The following DLG2 variants were observed in gnomAD, a reference collection of about 807,000 sequenced individuals.
DLG2 encodes disks large homolog 2.
In DLG2, 45 loss-of-function variants were observed where a neutral mutation model predicts 132.5. The observed-to-expected ratio is 0.34, with a 90% confidence interval of 0.27 to 0.44. The LOEUF (loss-of-function observed/expected upper bound fraction) is 0.44, where lower values mean the gene tolerates loss of function less well. Ranked by LOEUF, DLG2 falls within the 20% of genes least tolerant of loss-of-function variation. DLG2 has a pLI of 1.00. For synonymous variants in DLG2, 424 were observed against 419.6 expected, an observed-to-expected ratio of 1.01 and a Z score of -0.13; for missense variants, 1,045 against 1,196.9, an observed-to-expected ratio of 0.87 and a Z score of 1.87.
chr11:83,728,346 C>T (rs990065395), intron 18 of DLG2, among the ~76,000 whole-genome samples: 1 of 152,188 alleles, frequency 6.6e-6, no homozygotes, highest in Non-Finnish European at 1.5e-5. Context: ...CCCTAATAGC[C>T]TCTCTTCTCA....
chr11:85,243,079 G>A (rs117326084), intron 4 of DLG2, among the ~76,000 whole-genome samples: 306 of 151,906 alleles, frequency 2.0e-3, no homozygotes, highest in Non-Finnish European at 3.1e-3. Context: ...TAATTTTACC[G>A]CTCATAGCCT....
chr11:83,863,770 G>A (rs1384216919), intron 16 of DLG2, among the ~76,000 whole-genome samples: 4 of 152,174 alleles, frequency 2.6e-5, no homozygotes, highest in Non-Finnish European at 5.9e-5. Context: ...TAGTAATTGC[G>A]GAGCCAGAAT....
intron 4 of DLG2, among the ~76,000 whole-genome samples, chr11:85,181,127 T>C (rs1566975305): frequency 6.6e-6 from 1 of 151,752 alleles, no homozygotes; most frequent in African/African-American, 2.4e-5. Flanking sequence ...TTACTAGCAC[T>C]AAAGAAGAAA....
intron 3 of DLG2, among the ~76,000 whole-genome samples, chr11:85,340,903 T>TA (rs981736966): frequency 6.6e-6 from 1 of 152,224 alleles, no homozygotes; most frequent in African/African-American, 2.4e-5. Context: ...TTCTTATATT[T>TA]AGATCCCTAA....
intron 14 of DLG2, among the ~76,000 whole-genome samples, chr11:83,937,090 C>T (rs1035170630): frequency 6.6e-6 from 1 of 151,940 alleles, no homozygotes; most frequent in Middle Eastern, 3.4e-3. Context: ...TAATTGAACT[C>T]ATAGGATAAA....
At chr11:84,086,209 A>G (rs746139635) in intron 10 of DLG2, among the ~76,000 whole-genome samples, 15 of 152,216 alleles carry the variant, frequency 9.9e-5, no homozygotes, top group Non-Finnish European at 1.9e-4. Context: ...AAAACTTTAA[A>G]TAAATTGTAT....
chr11:84,630,979 T>TTCTCTCTCTCTCTCTCTC (rs369904915), intron 6 of DLG2, among the ~76,000 whole-genome samples: 2 of 51,236 alleles, frequency 3.9e-5, no homozygotes, highest in Non-Finnish European at 7.9e-5. Flanking sequence ...TTAAATGCAT[T>TTCTCTCTCTCTCTCTCTC]TCTCTCTCTC....
At chr11:85,523,915 G>T (rs1055832055) in intron 3 of DLG2, among the ~76,000 whole-genome samples, 3 of 152,148 alleles carry the variant, frequency 2.0e-5, no homozygotes, top group African/African-American at 7.2e-5. Flanking sequence ...AAAAGAATGA[G>T]ATCATGTCAT....
intron 15 of DLG2, among the ~76,000 whole-genome samples, chr11:83,890,648 A>T (rs1195465938): frequency 6.6e-6 from 1 of 152,226 alleles, no homozygotes; most frequent in Admixed American, 6.5e-5. Flanking sequence ...TGTAAATAAT[A>T]GTACCTTTTC....
intron 8 of DLG2, among the ~76,000 whole-genome samples, chr11:84,242,046 G>T (rs943696479): frequency 1.3e-5 from 2 of 152,266 alleles, no homozygotes. Context: ...TGCTCTGCTA[G>T]GTTACACTTC....
chr11:85,372,917 C>A (rs947945645), intron 3 of DLG2, among the ~76,000 whole-genome samples: 1 of 152,222 alleles, frequency 6.6e-6, no homozygotes, highest in Non-Finnish European at 1.5e-5. Flanking sequence ...AGCCACTCAC[C>A]TTCAGTCTGT....
chr11:84,594,457 T>C (rs1238604356), intron 6 of DLG2, among the ~76,000 whole-genome samples: 2 of 152,100 alleles, frequency 1.3e-5, no homozygotes, highest in Non-Finnish European at 2.9e-5. Context: ...GAAACTTAAA[T>C]TGGTTTTTCA....
intron 18 of DLG2, among the ~76,000 whole-genome samples, chr11:83,723,545 G>T (rs945473003): frequency 2.0e-5 from 3 of 152,048 alleles, no homozygotes; most frequent in Non-Finnish European, 2.9e-5. Flanking sequence ...AATGCTGTGG[G>T]TTTTACCAAA....
chr11:84,934,177 T>C (rs1034617401), intron 6 of DLG2, among the ~76,000 whole-genome samples: 5 of 152,190 alleles, frequency 3.3e-5, no homozygotes, highest in African/African-American at 9.6e-5. Flanking sequence ...ATCACATTTA[T>C]TGATTTGTGT....
At chr11:85,337,485 C>A (rs1177712337) in intron 3 of DLG2, among the ~76,000 whole-genome samples, 7 of 152,086 alleles carry the variant, frequency 4.6e-5, no homozygotes, top group African/African-American at 1.7e-4. Flanking sequence ...AATGAAATTT[C>A]CTGGGATCCA....
chr11:84,761,993 C>T (rs2067692811), intron 6 of DLG2: 2 of 151,998 alleles, frequency 1.3e-5, no homozygotes, highest in East Asian at 3.9e-4. Flanking sequence ...TTCTTGAGTC[C>T]CATCATTCAC....
At chr11:84,078,152 T>C (rs1034869213) in intron 10 of DLG2, among the ~76,000 whole-genome samples, 1 of 152,156 alleles carries the variant, frequency 6.6e-6, no homozygotes, top group Non-Finnish European at 1.5e-5. Flanking sequence ...AGTCCATGTT[T>C]CCATAGATTA....
At chr11:84,221,066 A>G (rs1199550039) in intron 8 of DLG2, among the ~76,000 whole-genome samples, 1 of 151,076 alleles carries the variant, frequency 6.6e-6, no homozygotes, top group Non-Finnish European at 1.5e-5. Flanking sequence ...AACCTCTCAA[A>G]GTGTTGGGAT....
chr11:84,355,454 T>C (rs779035884), intron 7 of DLG2, among the ~76,000 whole-genome samples: 3 of 151,988 alleles, frequency 2.0e-5, no homozygotes, highest in Non-Finnish European at 4.4e-5. Context: ...GAGAAGTGCC[T>C]TTCCCCTTCT....
Sources: gnomAD v4.1 joint callset for allele counts (sites outside exome capture counted in the v4.1 genomes callset) on GRCh38, gnomAD v4.1.1 for gene constraint, MANE v1.5 for transcripts, NCBI Gene and HGNC (gene_info 2026-07-23, HGNC 2026-07-21) for gene names.